Variants in TMC5 observed in about 807,000 individuals in gnomAD.
The protein encoded by TMC5 is transmembrane channel like 5.
In TMC5, 86 loss-of-function variants were observed where a neutral mutation model predicts 110.5. The observed-to-expected ratio is 0.78, with a 90% CI of 0.65 to 0.93. TMC5 has a LOEUF of 0.93. Among genes scored for constraint, TMC5 ranks in the 40% least tolerant of loss-of-function variants. The pLI is 0.00. For synonymous variants in TMC5, 455 were observed against 439.5 expected, an observed-to-expected ratio of 1.04 and a Z score of -0.44; for missense variants, 1,144 against 1,222.8, an observed-to-expected ratio of 0.94 and a Z score of 0.96.
chr16:19,490,703 T>C, intron 18 of TMC5, 135 bp downstream of exon 18: 1 of 731,184 alleles, frequency 1.4e-6, no homozygotes, highest in East Asian at 2.6e-5. Flanking sequence ...CTTGCATAGG[T>C]AGTTTTCTTT....
Position 19,487,238 on chromosome 16 carries a change from G to A in TMC5, c.2485G>A (p.Ala829Thr). 1 of 1,614,066 alleles carries A rather than the reference G, an allele frequency of 6.2e-7. No homozygotes were observed. The highest frequency in any genetic ancestry group is 8.5e-7 in the Non-Finnish European group (1 of 1,180,000). ...NFQPPSKAWR[A>T]SQMMTFFIFL... ...CCAGCCTCCGAGCAAAGCCTGGCGG[G>A]CCTCACAGATGATGACTTTCTTCAT... The change falls in exon 17 of 22, where the codon GCC (alanine) becomes ACC (threonine). Residue 829 changes from alanine (A) to threonine (T), a missense_variant. By Grantham distance (58) the Ala-to-Thr change is moderately conservative. Transcript: ENST00000542583.
intron 1 of TMC5, among the ~76,000 whole-genome samples, chr16:19,425,616 G>A (rs138445434): frequency 0.011 from 1,726 of 152,152 alleles, 18 homozygotes; most frequent in Non-Finnish European, 0.016. Flanking sequence ...TCTTTCCATT[G>A]TCTCTTGAAT....
At chr16:19,426,846 C>T (rs577532945) in intron 1 of TMC5, among the ~76,000 whole-genome samples, 1 of 152,260 alleles carries the variant, frequency 6.6e-6, no homozygotes, top group African/African-American at 2.4e-5. Flanking sequence ...GGCTGATCTG[C>T]AGTGATTCTT....
chr16:19,480,169 C>T (rs1266208704), intron 14 of TMC5, among the ~76,000 whole-genome samples: 1 of 152,076 alleles, frequency 6.6e-6, no homozygotes, highest in Non-Finnish European at 1.5e-5. Flanking sequence ...TGTCACTATG[C>T]CTTGACATCT....
Position 19,469,857 on chromosome 16 carries a change from C to T in TMC5, c.1782+32C>T, listed in dbSNP as rs536182523. On this transcript the variant is annotated intron_variant, in intron 10 of 21. Transcript: ENST00000542583. ...CGAGCTCACTTTACTCATTTGCCAT[C>T]GGCTGGTCTCCTTCCCTTCTCCAGT... The T allele has an allele frequency of 1.6e-5, 26 of 1,610,510 alleles. 1 individual carries two copies. The highest frequency in any genetic ancestry group is 1.4e-4 in the South Asian group (13 of 90,852).
At chr16:19,477,237 G>C (rs1968510776) in intron 12 of TMC5, among the ~76,000 whole-genome samples, 1 of 151,922 alleles carries the variant, frequency 6.6e-6, no homozygotes, top group Non-Finnish European at 1.5e-5. Context: ...GACTGAGCAA[G>C]ACTCCGTCTC....
At chr16:19,434,022 ATAAATC>A (rs1967251304) in intron 2 of TMC5, among the ~76,000 whole-genome samples, 2 of 6,718 alleles carry the variant, frequency 3.0e-4, no homozygotes, top group Non-Finnish European at 7.1e-4. Context: ...TAATATATAT[ATAAATC>A]TATATATTAT....
rs1372234151 is a variant in TMC5, at chr16:19,498,678, T to C, written c.*712T>C. ...ACGCGATTATTGCTAATTGGAAATT[T>C]TCCCAATACCCCACCGTGATGACTT... On this transcript the variant is annotated 3_prime_UTR_variant, in exon 22 of 22. Transcript: ENST00000542583. 6.6e-6 allele frequency: 1 copy of C among 152,196 alleles called. No individual in the cohort carries two copies. The highest frequency in any genetic ancestry group is 2.4e-5 in the African/African-American group (1 of 41,432). 9.4% of individuals were successfully genotyped at this position (152,196 alleles called of 1,614,324 possible).
intron 15 of TMC5, among the ~76,000 whole-genome samples, chr16:19,484,629 C>T (rs1254906691): frequency 6.6e-6 from 1 of 151,946 alleles, no homozygotes; most frequent in Non-Finnish European, 1.5e-5. Flanking sequence ...GCTGTGGTAG[C>T]AGATGCCTGT....
chr16:19,452,224 T>C (rs540279315), intron 5 of TMC5, among the ~76,000 whole-genome samples: 1 of 152,270 alleles, frequency 6.6e-6, no homozygotes, highest in Admixed American at 6.5e-5. Context: ...TTACAAAGAA[T>C]ATTACAAGGG....
In TMC5 at chr16:19,463,413, G is replaced by A. The variant is rs1203257523; in HGVS notation, c.1236+46G>A. The A allele has an allele frequency of 2.1e-6, 3 of 1,423,934 alleles. No individual in the cohort carries two copies. The South Asian group carries it at 3.4e-5, about 16-fold the overall frequency. 88.2% of individuals were successfully genotyped at this position (1,423,934 alleles called of 1,614,324 possible). On this transcript the variant is annotated intron_variant, in intron 7 of 21. Coordinates refer to ENST00000542583, the MANE Select transcript of TMC5 (RefSeq NM_001261841.2). ...CAGCAAGAGGGTGAAAACAGGGAGG[G>A]AGGAGAGTGAGGATGAAAGGGGACT...
intron 1 of TMC5, among the ~76,000 whole-genome samples, chr16:19,427,077 C>A (rs796334132): frequency 1.8e-5 from 2 of 108,234 alleles, no homozygotes; most frequent in Non-Finnish European, 4.7e-5. Context: ...CATGTGCCCC[C>A]CTCTCCAGCA....
intron 5 of TMC5, among the ~76,000 whole-genome samples, chr16:19,456,228 C>G (rs568192803): frequency 6.7e-6 from 1 of 148,680 alleles, no homozygotes; most frequent in African/African-American, 2.5e-5. Context: ...TATATATATA[C>G]ACACATTTAG....
Position 19,448,922 on chromosome 16 carries a change from C to T in TMC5, c.959-620C>T, listed in dbSNP as rs554787193. ...TGTTGCCCAAGCTGGTGTGCAGTGG[C>T]GCGATCTCGGCTCACTGCAAGCTCC... On this transcript the variant is annotated intron_variant, in intron 4 of 21. Transcript: ENST00000542583. Among the ~76,000 whole-genome samples the T allele has an allele frequency of 9.1e-5, 13 of 142,874 alleles. No homozygotes were observed. In the East Asian group the frequency reaches 1.8e-3, roughly 20 times the overall value. 93.7% of individuals were successfully genotyped at this position (142,874 alleles called of 152,430 possible).
chr16:19,493,140 T>C (rs1213104314), intron 19 of TMC5, among the ~76,000 whole-genome samples: 1 of 151,040 alleles, frequency 6.6e-6, no homozygotes, highest in Non-Finnish European at 1.5e-5. Context: ...TTTGTATTTT[T>C]AGTAGAGATG....
chr16:19,482,968 A>G (rs1444416574), intron 15 of TMC5, among the ~76,000 whole-genome samples: 5 of 151,802 alleles, frequency 3.3e-5, no homozygotes, highest in Non-Finnish European at 5.9e-5. Flanking sequence ...GGTTCAAGCA[A>G]TTCTCATGCC....
chr16:19,474,388 A>G (rs1968435080), intron 12 of TMC5, 112 bp downstream of exon 12: 2 of 1,282,006 alleles, frequency 1.6e-6, no homozygotes, highest in South Asian at 1.4e-5. Context: ...GAGAGGAAGA[A>G]TTTCAAAAGT....
chr16:19,453,283 ATC>A (rs1211993168), intron 5 of TMC5, among the ~76,000 whole-genome samples: 2 of 151,960 alleles, frequency 1.3e-5, no homozygotes, highest in African/African-American at 4.8e-5. Context: ...GTGAAACCCC[ATC>A]TCTATGAAAA....
chr16:19,432,655 G>A (rs1006484160), intron 2 of TMC5, among the ~76,000 whole-genome samples: 7 of 152,116 alleles, frequency 4.6e-5, no homozygotes, highest in African/African-American at 1.7e-4. Flanking sequence ...CTCTTTGTTT[G>A]TTTAGGTATT....
Sources: gnomAD v4.1 joint callset for allele counts (sites outside exome capture counted in the v4.1 genomes callset) on GRCh38, gnomAD v4.1.1 for gene constraint, MANE v1.5 for transcripts, NCBI Gene and HGNC (gene_info 2026-07-23, HGNC 2026-07-21) for gene names.